Variants in CCDC68 observed in about 807,000 individuals in gnomAD.
CCDC68 encodes coiled-coil domain containing 68.
A neutral mutation model predicts 47.1 loss-of-function variants in CCDC68; 45 were observed. The ratio of observed to expected loss-of-function variants is 0.96; its 90% CI spans 0.75 to 1.23. The LOEUF is 1.23. Ranked by LOEUF, CCDC68 falls within the 50% of genes most tolerant of loss-of-function variation. The probability of loss-of-function intolerance (pLI) is 0.00; values close to 1 mark genes in which losing one functional copy is unlikely to be tolerated. For synonymous variants in CCDC68, 131 were observed against 129.5 expected, an observed-to-expected ratio of 1.01 and a Z score of -0.08; for missense variants, 353 against 373.6, an observed-to-expected ratio of 0.94 and a Z score of 0.45.
rs568422764 is a variant in CCDC68 at position 54,901,798 on chromosome 18, T to G, written c.*2560A>C. ...TACATTATTTGGAATAAAACTGAAC[T>G]AGTGTTTCTTTTCCTATATTTCCTG... On this transcript the variant is annotated 3_prime_UTR_variant, in exon 12 of 12. Transcript: ENST00000591504. The G allele has an allele frequency of 5.9e-5, 9 of 152,308 alleles. No homozygotes were observed. The South Asian group carries it at 1.4e-3, about 25-fold the overall frequency. The allele number at this position is 152,308 out of a possible 1,614,324, so 9.4% of individuals were successfully genotyped here.
chr18:54,955,654 T>C (rs1233118813), intron 1 of CCDC68, among the ~76,000 whole-genome samples: 1 of 152,184 alleles, frequency 6.6e-6, no homozygotes, highest in Non-Finnish European at 1.5e-5. Context: ...AGTTTCCTGA[T>C]TCCTAACAGA....
chr18:54,917,522 G>A (rs1365967918), intron 10 of CCDC68, among the ~76,000 whole-genome samples: 1 of 152,108 alleles, frequency 6.6e-6, no homozygotes, highest in African/African-American at 2.4e-5. Flanking sequence ...TATTTAATAT[G>A]TAACAAAAAT....
intron 3 of CCDC68, 66 bp from the exon 4 acceptor site, chr18:54,941,149 A>T: frequency 9.7e-7 from 1 of 1,030,016 alleles, no homozygotes; most frequent in Non-Finnish European, 1.5e-6. Context: ...TTTTCTCAAT[A>T]CCAGTTACAG....
rs372257090 is a variant in CCDC68 at position 54,957,610 on chromosome 18, T to TAC, written c.-103+1724_-103+1725dup. Among the ~76,000 whole-genome samples, 158 of 141,654 alleles carry TAC rather than the reference T, an allele frequency of 1.1e-3. 1 individual carries two copies. The highest frequency in any genetic ancestry group is 3.5e-3 in the Middle Eastern group (1 of 284). The allele number at this position is 141,654 out of a possible 152,430, so 92.9% of individuals were successfully genotyped here. A position where few individuals can be genotyped will look rare whatever the true frequency, so the allele number is the denominator to read the frequency against. ...GTACCAAATAGTTTCTAAAACAATG[T>TAC]ACACACACACACACACACTCTCTCT... On this transcript the variant is annotated intron_variant, in intron 1 of 11. Transcript: ENST00000591504.
At chr18:54,950,883 C>T (rs1333665598) in intron 1 of CCDC68, among the ~76,000 whole-genome samples, 3 of 141,864 alleles carry the variant, frequency 2.1e-5, no homozygotes, top group African/African-American at 7.6e-5. Flanking sequence ...TAGGTTGACC[C>T]CAAATTCAGA....
At chr18:54,918,366 A>G (rs2043991528) in intron 9 of CCDC68, among the ~76,000 whole-genome samples, 2 of 152,184 alleles carry the variant, frequency 1.3e-5, no homozygotes, top group Non-Finnish European at 2.9e-5. Context: ...CCTGGTGTGC[A>G]GAGGGTCCCT....
chr18:54,938,419 A>G (rs567448410), intron 4 of CCDC68, among the ~76,000 whole-genome samples: 1 of 152,260 alleles, frequency 6.6e-6, no homozygotes, highest in Non-Finnish European at 1.5e-5. Flanking sequence ...TAAAAATCTA[A>G]GTTGTGGACA....
intron 7 of CCDC68, among the ~76,000 whole-genome samples, chr18:54,929,238 A>T (rs1020746367): frequency 1.3e-5 from 2 of 152,046 alleles, no homozygotes; most frequent in East Asian, 1.9e-4. Flanking sequence ...TCCCACCCTT[A>T]CACCTGTTTC....
In CCDC68 at chr18:54,917,909, T is replaced by C; in HGVS notation, c.873+4A>G. 1 of 1,552,110 alleles carries C rather than the reference T, an allele frequency of 6.4e-7. No homozygotes were observed. The highest frequency in any genetic ancestry group is 1.1e-5 in the South Asian group (1 of 88,792). On this transcript the variant is annotated splice_donor_region_variant and intron_variant, in intron 10 of 11. Transcript: ENST00000591504. ...ACAAAATGTAAGACAGGTTCCCTCC[T>C]TACCTGGGCTTCAAGTATGTTAACC...
chr18:54,957,639 T>A (rs1459684142), intron 1 of CCDC68, among the ~76,000 whole-genome samples: 5 of 151,790 alleles, frequency 3.3e-5, no homozygotes, highest in African/African-American at 1.2e-4. Flanking sequence ...TCTCTCTCTC[T>A]CTCTCTCTCT....
chr18:54,910,955 C>T (rs1264505686), intron 10 of CCDC68, among the ~76,000 whole-genome samples: 1 of 152,200 alleles, frequency 6.6e-6, no homozygotes, highest in Non-Finnish European at 1.5e-5. Context: ...TGCAGGGACT[C>T]CTGAGTCTGC....
intron 6 of CCDC68, among the ~76,000 whole-genome samples, chr18:54,935,659 T>C (rs1452539208): frequency 6.6e-6 from 1 of 152,152 alleles, no homozygotes; most frequent in African/African-American, 2.4e-5. Context: ...CCTCATCCGC[T>C]TCCCGCTTAT....
At chr18:54,925,822 C>G (rs2044134729) in intron 8 of CCDC68, among the ~76,000 whole-genome samples, 1 of 152,158 alleles carries the variant, frequency 6.6e-6, no homozygotes, top group Non-Finnish European at 1.5e-5. Context: ...GGGACCACAA[C>G]CACAAGAAGA....
chr18:54,952,542 C>T (rs897223446), intron 1 of CCDC68, among the ~76,000 whole-genome samples: 37 of 152,204 alleles, frequency 2.4e-4, no homozygotes, highest in Non-Finnish European at 3.8e-4. Context: ...CGGACAACAG[C>T]TTGGCAGTTT....
intron 7 of CCDC68, among the ~76,000 whole-genome samples, chr18:54,932,448 C>T (rs922177784): frequency 6.6e-6 from 1 of 152,150 alleles, no homozygotes. Context: ...GCCTCAGCCT[C>T]CCAAAATGCT....
In CCDC68 at chr18:54,928,790, C is replaced by T. The variant is rs111228735; in HGVS notation, c.683+10G>A. On this transcript the variant is annotated intron_variant, in intron 8 of 11. Coordinates refer to ENST00000591504, the MANE Select transcript of CCDC68 (RefSeq NM_025214.3). ...GGAACTGCCTTTACTTAACAGGTAG[C>T]TTCACAAACCTTTTTCCATATGTAG... 2 of 1,590,488 alleles carry T rather than the reference C, an allele frequency of 1.3e-6. No homozygotes were observed. Among genetic ancestry groups the T allele is most frequent in the Admixed American group, 3.3e-5 (2 of 59,834 alleles).
At chr18:54,914,418 G>C (rs1023468525) in intron 10 of CCDC68, among the ~76,000 whole-genome samples, 1 of 152,134 alleles carries the variant, frequency 6.6e-6, no homozygotes, top group African/African-American at 2.4e-5. Context: ...AGGGGTTCGA[G>C]ACCAGCCTGG....
At chr18:54,943,537 CAAAT>C (rs1325643035) in intron 2 of CCDC68, among the ~76,000 whole-genome samples, 1 of 151,964 alleles carries the variant, frequency 6.6e-6, no homozygotes, top group East Asian at 1.9e-4. Flanking sequence ...ATGAAATAAA[CAAAT>C]AAATATATCT....
chr18:54,904,300 T>G lies in CCDC68; in HGVS notation c.*58A>C, dbSNP rs777316585. 1 of 1,378,990 alleles carries G rather than the reference T, an allele frequency of 7.3e-7. No individual in the cohort carries two copies. Among genetic ancestry groups the G allele is most frequent in the Non-Finnish European group, 1.0e-6 (1 of 969,958 alleles). 85.4% of individuals were successfully genotyped at this position (1,378,990 alleles called of 1,614,324 possible). A position where few individuals can be genotyped will look rare whatever the true frequency, so the allele number is the denominator to read the frequency against. Reference sequence around the variant, plus strand: ...TTTTAACATGAAACTTGGGCTGTGTTTCAGAGAATAAATAAGACTCACGCA... The same window carrying G: ...TTTTAACATGAAACTTGGGCTGTGTGTCAGAGAATAAATAAGACTCACGCA... On this transcript the variant is annotated 3_prime_UTR_variant, in exon 12 of 12. Transcript: ENST00000591504.
Sources: gnomAD v4.1 joint callset for allele counts (sites outside exome capture counted in the v4.1 genomes callset) on GRCh38, gnomAD v4.1.1 for gene constraint, MANE v1.5 for transcripts, NCBI Gene and HGNC (gene_info 2026-07-23, HGNC 2026-07-21) for gene names.